Variants in PUDP observed in about 807,000 individuals in gnomAD.
PUDP encodes pseudouridine 5'-phosphatase.
PUDP carries 8 observed loss-of-function variants against 9.4 expected under a neutral mutation model. The observed-to-expected ratio is 0.85, with a 90% CI of 0.50 to 1.53. PUDP has a LOEUF of 1.53. PUDP is among the 40% of genes most tolerant of loss of function. The pLI is 0.00. For missense variants in PUDP, 188 were observed against 189.7 expected (o/e 0.99, Z 0.05); for synonymous variants, 99 against 80.7 (o/e 1.23, Z -1.22).
chrX:7,055,420 T>C (rs149102904), intron 3 of PUDP, among the ~76,000 whole-genome samples: 1,164 of 109,685 alleles, frequency 0.011, 12 homozygotes, highest in African/African-American at 0.037. Context: ...CTCGGCTAAT[T>C]TTTTTTTGTA....
chrX:7,127,960 T>C (rs1032809019), intron 1 of PUDP, among the ~76,000 whole-genome samples: 1 of 112,329 alleles, frequency 8.9e-6, no homozygotes, highest in African/African-American at 3.2e-5. Context: ...GTTAACAGTA[T>C]AAAGGTGAAG....
intron 3 of PUDP, among the ~76,000 whole-genome samples, chrX:7,059,492 G>A (rs751463875): frequency 1.4e-4 from 16 of 111,569 alleles, no homozygotes; most frequent in African/African-American, 4.2e-4. Context: ...TTCATCTTAC[G>A]TAGCCTTCTG....
intron 1 of PUDP, among the ~76,000 whole-genome samples, chrX:7,123,038 C>CCATTATCCAATAACCAATTAAA (rs1932386524): frequency 9.0e-6 from 1 of 111,526 alleles, no homozygotes; most frequent in Non-Finnish European, 1.9e-5. Flanking sequence ...ATTAAAAAAA[C>CCATTATCCAATAACCAATTAAA]GTCTCTGGTG....
chrX:6,821,803 G>C (rs1926346619), intron 3 of PUDP, among the ~76,000 whole-genome samples: 1 of 112,247 alleles, frequency 8.9e-6, no homozygotes, highest in Non-Finnish European at 1.9e-5. Context: ...CTGGAAGCCA[G>C]GGGTGTTCAG....
intron 3 of PUDP, among the ~76,000 whole-genome samples, chrX:6,875,095 G>A (rs1268857719): frequency 9.0e-6 from 1 of 111,629 alleles, no homozygotes; most frequent in Non-Finnish European, 1.9e-5. Flanking sequence ...TAGAGACAGG[G>A]TTTTGCTCTG....
chrX:6,885,019 A>C (rs1257884198), intron 3 of PUDP, among the ~76,000 whole-genome samples: 1 of 111,926 alleles, frequency 8.9e-6, no homozygotes, highest in Admixed American at 9.5e-5. Flanking sequence ...ATAGCATGAA[A>C]ATGAGATTCT....
intron 1 of PUDP, among the ~76,000 whole-genome samples, chrX:7,135,807 C>A (rs1400476770): frequency 1.8e-5 from 2 of 111,204 alleles, no homozygotes; most frequent in African/African-American, 6.6e-5. Context: ...ATACCCTATA[C>A]CTGCACGCAA....
intron 3 of PUDP, among the ~76,000 whole-genome samples, chrX:6,960,017 G>A (rs1048990655): frequency 8.9e-6 from 1 of 112,354 alleles, no homozygotes; most frequent in Admixed American, 9.4e-5. Flanking sequence ...TGATTTCAGA[G>A]GCTCACAACT....
chrX:6,930,513 T>C (rs1049285887), intron 3 of PUDP, among the ~76,000 whole-genome samples: 5 of 111,506 alleles, frequency 4.5e-5, no homozygotes, highest in African/African-American at 1.6e-4. Context: ...TTACCCCATA[T>C]GGTCTAAAAG....
At chrX:6,749,483 C>T (rs867509069) in intron 3 of PUDP, among the ~76,000 whole-genome samples, 7 of 111,034 alleles carry the variant, frequency 6.3e-5, no homozygotes, top group African/African-American at 2.0e-4. Context: ...TAGGAGAGGA[C>T]GGTAACTGAA....
At chrX:6,720,073 A>G (rs6529963) in intron 1 of PUDP, among the ~76,000 whole-genome samples, 52,449 of 105,258 alleles carry the variant, frequency 0.5, 10,593 homozygotes, top group African/African-American at 0.7. Context: ...ATCCACCAAT[A>G]GATGAATAGA....
intron 3 of PUDP, among the ~76,000 whole-genome samples, chrX:6,912,980 T>C (rs1339711810): frequency 8.9e-6 from 1 of 112,248 alleles, no homozygotes; most frequent in African/African-American, 3.2e-5. Context: ...CAAGTCAATA[T>C]ATCATTTCTA....
At chrX:7,027,525 AT>A (rs1929729363) in intron 1 of PUDP, among the ~76,000 whole-genome samples, 2 of 104,150 alleles carry the variant, frequency 1.9e-5, no homozygotes, top group Admixed American at 1.1e-4. Context: ...GAATATATAT[AT>A]ATTCACACAT....
intron 3 of PUDP, among the ~76,000 whole-genome samples, chrX:6,799,973 A>G (rs753933275): frequency 3.6e-5 from 4 of 112,595 alleles, no homozygotes; most frequent in African/African-American, 9.7e-5. Flanking sequence ...GTTTCTCAGG[A>G]AAGATGAAAT....
chrX:6,811,977 T>C (rs949185974), intron 3 of PUDP, among the ~76,000 whole-genome samples: 8 of 111,290 alleles, frequency 7.2e-5, no homozygotes, highest in Non-Finnish European at 1.5e-4. Context: ...AAAGAGAAAA[T>C]AGAAGGTACC....
chrX:6,993,825 T>C (rs971202309), intron 1 of PUDP, among the ~76,000 whole-genome samples: 2 of 111,960 alleles, frequency 1.8e-5, no homozygotes, highest in African/African-American at 6.5e-5. Context: ...ACTGAGTCAA[T>C]TGGACTGAGC....
intron 3 of PUDP, among the ~76,000 whole-genome samples, chrX:6,774,794 T>C (rs902338050): frequency 2.2e-4 from 25 of 112,294 alleles, no homozygotes; most frequent in Admixed American, 1.8e-3. Context: ...CTCAGTGTTA[T>C]TCAGCCTTTG....
intron 3 of PUDP, among the ~76,000 whole-genome samples, chrX:7,055,492 C>T (rs1424054351): frequency 9.0e-6 from 1 of 111,235 alleles, no homozygotes; most frequent in African/African-American, 3.3e-5. Flanking sequence ...TTGACCTCAA[C>T]TGATCCACCC....
intron 3 of PUDP, among the ~76,000 whole-genome samples, chrX:6,781,223 A>G (rs1039664915): frequency 1.8e-5 from 2 of 111,572 alleles, no homozygotes; most frequent in Non-Finnish European, 3.8e-5. Context: ...ACACCATGGC[A>G]TGACTTGGTG....
Sources: allele counts gnomAD v4.1 joint callset (sites outside exome capture counted in the v4.1 genomes callset), GRCh38; gene constraint gnomAD v4.1.1; transcripts MANE v1.5; gene names NCBI Gene and HGNC (gene_info 2026-07-23, HGNC 2026-07-21).